SLC28A1: variants seen among roughly 807,000 people sequenced by gnomAD.
The protein encoded by SLC28A1 is solute carrier family 28 member 1.
Under a neutral mutation model 74.8 loss-of-function variants are expected in SLC28A1, and 64 were observed. The ratio of observed to expected loss-of-function variants is 0.86; its 90% CI spans 0.70 to 1.05. The LOEUF (loss-of-function observed/expected upper bound fraction) is 1.05, where lower values mean the gene tolerates loss of function less well. Among genes scored for constraint, SLC28A1 ranks in the 50% least tolerant of loss-of-function variants. The pLI is 0.00. For missense variants in SLC28A1, 828 were observed against 822.8 expected (o/e 1.01, Z -0.08); for synonymous variants, 359 against 335.0 (o/e 1.07, Z -0.78).
Position 84,922,534 on chromosome 15 carries a change from G to A in SLC28A1, c.958-1451G>A, listed in dbSNP as rs140251019. Among the ~76,000 whole-genome samples, 932 of 152,156 alleles carry A rather than the reference G, an allele frequency of 6.1e-3. 9 individuals carry two copies. The highest frequency in any genetic ancestry group is 9.1e-3 in the Non-Finnish European group (622 of 67,982). ...CCATCTACAACCCCCCGCTGCCCGG[G>A]CCACCTGCCTCTCACCTGGACACTG... On this transcript the variant is annotated intron_variant, in intron 11 of 18. Transcript: ENST00000394573.
At chr15:84,906,039 A>G (rs2141790175) in intron 8 of SLC28A1, among the ~76,000 whole-genome samples, 1 of 149,442 alleles carries the variant, frequency 6.7e-6, no homozygotes, top group Admixed American at 6.6e-5. Context: ...TTTTCTTTCA[A>G]GAAGGAGTCT....
At chr15:84,894,620 C>T (rs1040709130) in intron 5 of SLC28A1, among the ~76,000 whole-genome samples, 9 of 152,212 alleles carry the variant, frequency 5.9e-5, no homozygotes, top group Admixed American at 2.6e-4. Context: ...CGCTGGACCA[C>T]AGCAGATGCT....
chr15:84,891,808 G>A (rs1424421674), intron 5 of SLC28A1, among the ~76,000 whole-genome samples: 1 of 151,976 alleles, frequency 6.6e-6, no homozygotes, highest in Non-Finnish European at 1.5e-5. Context: ...CAGGCGGGGA[G>A]GCTGAATGGG....
At chr15:84,942,010 T>C (rs560728592) in intron 15 of SLC28A1, among the ~76,000 whole-genome samples, 20 of 152,164 alleles carry the variant, frequency 1.3e-4, no homozygotes, top group African/African-American at 4.1e-4. Flanking sequence ...AAAATAAGAG[T>C]AATAATAGTA....
chr15:84,961,662 G>T, the SLC28A1 span: 2 of 350,654 alleles, frequency 5.7e-6, no homozygotes, highest in Admixed American at 7.4e-5. Flanking sequence ...CTTGATGGTC[G>T]TAAGACACTA....
At chr15:84,953,221 G>C in the SLC28A1 span, among the ~76,000 whole-genome samples, 2 of 152,208 alleles carry the variant, frequency 1.3e-5, no homozygotes, top group Admixed American at 6.5e-5. Flanking sequence ...TCTGGGACCA[G>C]GGTCCTCCAG....
chr15:84,944,512 C>T lies in SLC28A1; in HGVS notation c.1664-54C>T, dbSNP rs558037990. ...CAGATGCAGCCCGAGCTGCGGAACGCGGGCAGAGAGGGACACAGCTTCCCA... is the reference window on the plus strand; with the variant it reads ...CAGATGCAGCCCGAGCTGCGGAACGTGGGCAGAGAGGGACACAGCTTCCCA... On this transcript the variant is annotated intron_variant, in intron 16 of 18. Transcript: ENST00000394573. The T allele has an allele frequency of 3.4e-5, 43 of 1,264,272 alleles. 1 individual carries two copies. Among genetic ancestry groups the T allele is most frequent in the Admixed American group, 5.1e-5 (3 of 59,372 alleles). The allele number at this position is 1,264,272 out of a possible 1,614,324, so 78.3% of individuals were successfully genotyped here. A position where few individuals can be genotyped will look rare whatever the true frequency, so the allele number is the denominator to read the frequency against.
the SLC28A1 span, among the ~76,000 whole-genome samples, chr15:84,964,953 C>A: frequency 6.6e-6 from 1 of 152,196 alleles, no homozygotes; most frequent in Non-Finnish European, 1.5e-5. Context: ...CTTTGTCTTA[C>A]CTGTAAGGCT....
chr15:84,971,324 G>A, the SLC28A1 span, among the ~76,000 whole-genome samples: 1 of 152,208 alleles, frequency 6.6e-6, no homozygotes, highest in East Asian at 1.9e-4. Flanking sequence ...TTGATCCCCA[G>A]TGTTGGAGGT....
downstream of SLC28A1, among the ~76,000 whole-genome samples, chr15:84,947,103 T>C (rs1304308012): frequency 1.3e-5 from 2 of 152,242 alleles, no homozygotes; most frequent in Non-Finnish European, 2.9e-5. Context: ...GCAGCAGCCT[T>C]GCTCCTTGTG....
intron 15 of SLC28A1, among the ~76,000 whole-genome samples, chr15:84,942,414 A>T (rs1279274316): frequency 6.6e-6 from 1 of 152,176 alleles, no homozygotes; most frequent in Non-Finnish European, 1.5e-5. Flanking sequence ...CCATAAACCA[A>T]TTTTGTTTTC....
chr15:84,972,460 A>G, the SLC28A1 span, among the ~76,000 whole-genome samples: 30 of 152,362 alleles, frequency 2.0e-4, no homozygotes, highest in Non-Finnish European at 3.5e-4. Context: ...GTAAAGGCTC[A>G]AGAAGAAAAT....
intron 5 of SLC28A1, among the ~76,000 whole-genome samples, chr15:84,891,797 T>C (rs961544074): frequency 2.6e-5 from 4 of 151,988 alleles, no homozygotes; most frequent in Non-Finnish European, 5.9e-5. Context: ...TTTTATGAGA[T>C]CAGGCGGGGA....
At position 84,945,434 on chromosome 15, in the gene SLC28A1, C is replaced by G; in HGVS notation, c.*234C>G. ...CCTGCTCCCCCATTTCCTAACTCCC[C>G]CAGTGTGAATTCTCAGGGTCACTTC... On this transcript the variant is annotated 3_prime_UTR_variant, in exon 19 of 19. Transcript: ENST00000394573. 4 of 556,336 alleles carry G rather than the reference C, an allele frequency of 7.2e-6. No homozygotes were observed. The South Asian group carries it at 7.6e-5, about 11-fold the overall frequency. 34.5% of individuals were successfully genotyped at this position (556,336 alleles called of 1,614,324 possible). A position where few individuals can be genotyped will look rare whatever the true frequency, so the allele number is the denominator to read the frequency against.
downstream of SLC28A1, among the ~76,000 whole-genome samples, chr15:84,947,354 G>A (rs1348794731): frequency 6.6e-6 from 1 of 152,180 alleles, no homozygotes; most frequent in East Asian, 1.9e-4. Context: ...CTGCCCATAT[G>A]TTGGCCTCAG....
chr15:84,966,982 T>C, the SLC28A1 span, among the ~76,000 whole-genome samples: 1 of 152,296 alleles, frequency 6.6e-6, no homozygotes, highest in African/African-American at 2.4e-5. Context: ...GGTCTTGCTA[T>C]GTTGCCCAGG....
chr15:84,962,702 G>A, the SLC28A1 span, among the ~76,000 whole-genome samples: 2 of 152,068 alleles, frequency 1.3e-5, no homozygotes, highest in African/African-American at 4.8e-5. Context: ...ACTGCACCAG[G>A]CCAAGGGTGG....
In SLC28A1 at chr15:84,945,468, C is replaced by G. The variant is rs145743857; in HGVS notation, c.*268C>G. 7.8e-4 allele frequency: 375 copies of G among 480,514 alleles called. 3 individuals are homozygous for G. The highest frequency in any genetic ancestry group is 7.1e-3 in the African/African-American group (358 of 50,756). The allele number at this position is 480,514 out of a possible 1,614,324, so 29.8% of individuals were successfully genotyped here. A position where few individuals can be genotyped will look rare whatever the true frequency, so the allele number is the denominator to read the frequency against. On this transcript the variant is annotated 3_prime_UTR_variant, in exon 19 of 19. Transcript: ENST00000394573. Reference sequence around the variant, plus strand: ...ATTCTCAGGGTCACTTCTGCCTCCTCCCGTTTCCCCTCCACATCCAAACAG... The same window carrying G: ...ATTCTCAGGGTCACTTCTGCCTCCTGCCGTTTCCCCTCCACATCCAAACAG...
chr15:84,952,455 T>C, the SLC28A1 span, among the ~76,000 whole-genome samples: 1 of 152,322 alleles, frequency 6.6e-6, no homozygotes, highest in Non-Finnish European at 1.5e-5. Flanking sequence ...AATGACTCCA[T>C]GTGCTTCAGT....
Sources: allele counts gnomAD v4.1 joint callset (sites outside exome capture counted in the v4.1 genomes callset), GRCh38; gene constraint gnomAD v4.1.1; transcripts MANE v1.5; gene names NCBI Gene and HGNC (gene_info 2026-07-23, HGNC 2026-07-21).